Variants in KLHL11 observed in about 807,000 individuals in gnomAD.
KLHL11 encodes kelch-like protein 11.
A neutral mutation model predicts 56.1 loss-of-function variants in KLHL11; 26 were observed. The ratio of observed to expected loss-of-function variants is 0.46; its 90% CI spans 0.34 to 0.64. The LOEUF (loss-of-function observed/expected upper bound fraction) is 0.64. Ranked by LOEUF, KLHL11 falls within the 30% of genes least tolerant of loss-of-function variation. The pLI, the probability that KLHL11 is intolerant of heterozygous loss-of-function variation, is 0.01. For synonymous variants in KLHL11, 338 were observed against 345.8 expected, an observed-to-expected ratio of 0.98 and a Z score of 0.25; for missense variants, 627 against 919.4, an observed-to-expected ratio of 0.68 and a Z score of 4.11.
chr17:41,850,870 C>T lies in KLHL11; in HGVS notation c.*2870G>A, dbSNP rs984805911. 5.3e-5 allele frequency: 8 copies of T among 152,274 alleles called. No individual in the cohort carries two copies. The South Asian group carries it at 1.7e-3, about 32-fold the overall frequency. 9.4% of individuals were successfully genotyped at this position (152,274 alleles called of 1,614,324 possible). On this transcript the variant is annotated 3_prime_UTR_variant, in exon 2 of 2. Coordinates refer to ENST00000319121, the MANE Select transcript of KLHL11 (RefSeq NM_018143.3). Reference sequence around the variant, plus strand: ...ATGGATTTAAAGTTGATTTTCAACACATTTATTAAAAACTTTTCACCTAGG... The same window carrying T: ...ATGGATTTAAAGTTGATTTTCAACATATTTATTAAAAACTTTTCACCTAGG...
chr17:41,858,035 C>A (rs1472010053), intron 1 of KLHL11, among the ~76,000 whole-genome samples: 8 of 152,076 alleles, frequency 5.3e-5, no homozygotes, highest in African/African-American at 1.9e-4. Context: ...CCAGGCTGGT[C>A]TCAAACTCCT....
chr17:41,858,106 C>T (rs2048377605), intron 1 of KLHL11, among the ~76,000 whole-genome samples: 1 of 152,092 alleles, frequency 6.6e-6, no homozygotes, highest in Non-Finnish European at 1.5e-5. Flanking sequence ...GCGTGAGCCA[C>T]CACGCCCGGC....
At position 41,853,708 on chromosome 17, in the gene KLHL11, G is replaced by C; in HGVS notation, c.*32C>G. The C allele has an allele frequency of 6.4e-7, 1 of 1,574,390 alleles. No individual in the cohort carries two copies. The highest frequency in any genetic ancestry group is 8.6e-7 in the Non-Finnish European group (1 of 1,158,548). On this transcript the variant is annotated 3_prime_UTR_variant, in exon 2 of 2. Transcript: ENST00000319121. ...GTATCTTCAGCTTCACGAAACGGGT[G>C]TAACAGTTTTAATCGGCACGCTTGA...
intron 1 of KLHL11, among the ~76,000 whole-genome samples, chr17:41,862,685 C>G (rs868977161): frequency 6.2e-4 from 94 of 152,280 alleles, no homozygotes; most frequent in African/African-American, 2.2e-3. Context: ...CAGGCGTGAG[C>G]CACTTCGCCC....
chr17:41,864,961 C>A lies in KLHL11; in HGVS notation c.410G>T (p.Arg137Leu), dbSNP rs1299648807. 6.2e-7 allele frequency: 1 copy of A among 1,611,360 alleles called. No individual in the cohort carries two copies. ...GGAGCTCCACTTGCGCATCTCCACC[C>A]GTCCCGAGCGGGACTCGGAAAACTG... ...SGQFSESRSG[R>L]VEMRKWSSEP... Residue 137 changes from arginine to leucine, a missense_variant, in exon 1 of 2, where the codon CGG (arginine) becomes CTG (leucine). Around this residue, in one of 4 missense-constraint regions of KLHL11, gnomAD observed 150 missense variants for 215.7 expected, o/e 0.70. Coordinates refer to ENST00000319121, the MANE Select transcript of KLHL11 (RefSeq NM_018143.3).
rs370879079 is a variant in KLHL11, at chr17:41,854,109, A to T, written c.1758T>A (p.Asp586Glu). The change falls in exon 2 of 2, where the codon GAT becomes GAA. Residue 586 changes from aspartate (D) to glutamate (E), a missense_variant. Asp to Glu is a conservative substitution (Grantham distance 45). This residue lies in a region of KLHL11 where 250 missense variants were observed against 360.6 expected (regional missense o/e 0.69). Transcript: ENST00000319121. The surrounding 1 kb of genome is among the most constrained non-coding windows in gnomAD (Gnocchi z 4.9). The stretch of plus-strand genomic sequence containing the variant: ...CTGGAGGCAAGCTTTCAAGGATCTC[A>T]TCAGACACTTGGCTGGCAATTTTTC... ...AVRKIASQVSDEILESLPPEV... is the reference protein window; with the variant it reads ...AVRKIASQVSEEILESLPPEV... 2.5e-6 allele frequency: 4 copies of T among 1,614,092 alleles called. No individual in the cohort carries two copies. Among genetic ancestry groups the T allele is most frequent in the Non-Finnish European group, 3.4e-6 (4 of 1,179,934 alleles).
In KLHL11 at chr17:41,865,413, C is replaced by G. The variant is rs1246267256; in HGVS notation, c.-43G>C. 8.2e-7 allele frequency: 1 copy of G among 1,215,510 alleles called. No individual in the cohort carries two copies. Among genetic ancestry groups the G allele is most frequent in the Non-Finnish European group, 1.1e-6 (1 of 918,842 alleles). The allele number at this position is 1,215,510 out of a possible 1,614,324, so 75.3% of individuals were successfully genotyped here. A position where few individuals can be genotyped will look rare whatever the true frequency, so the allele number is the denominator to read the frequency against. On this transcript the variant is annotated 5_prime_UTR_variant, in exon 1 of 2. Coordinates refer to ENST00000319121, the MANE Select transcript of KLHL11 (RefSeq NM_018143.3). Reference sequence around the variant, plus strand: ...CGGCCTCCACAGCCTCGGAACGATGCGGCTGTTGGTACGACACAGAGGGAT... The same window carrying G: ...CGGCCTCCACAGCCTCGGAACGATGGGGCTGTTGGTACGACACAGAGGGAT...
intron 1 of KLHL11, among the ~76,000 whole-genome samples, chr17:41,859,259 G>A (rs2048387680): frequency 6.6e-6 from 1 of 152,066 alleles, no homozygotes; most frequent in Non-Finnish European, 1.5e-5. Flanking sequence ...AAAAAATTGT[G>A]TAGGGTTGGG....
Position 41,854,562 on chromosome 17 carries a change from A to G in KLHL11, c.1305T>C (p.His435=), listed in dbSNP as rs2048353525. ...GCTTTCTTGTCATCAGACTACAAAC[A>G]TGTTCCCATGTATTCAAATTTGGGT... ...RYNPNLNTWE[H]VCSLMTRKHS... Residue 435 remains histidine (H), a synonymous_variant, in exon 2 of 2, where the codon CAT becomes CAC. Coordinates refer to ENST00000319121, the MANE Select transcript of KLHL11 (RefSeq NM_018143.3). The surrounding 1 kb of genome is among the most constrained non-coding windows in gnomAD (Gnocchi z 4.9). 6.2e-7 allele frequency: 1 copy of G among 1,614,188 alleles called. No homozygotes were observed. The highest frequency in any genetic ancestry group is 8.5e-7 in the Non-Finnish European group (1 of 1,180,044).
intron 1 of KLHL11, among the ~76,000 whole-genome samples, chr17:41,856,505 T>C (rs2048367442): frequency 6.6e-6 from 1 of 152,130 alleles, no homozygotes; most frequent in East Asian, 1.9e-4. Flanking sequence ...AATCTCACTT[T>C]ACACACAAAA....
chr17:41,863,540 G>A lies in KLHL11; in HGVS notation c.545+1286C>T, dbSNP rs571173809. 8.1e-4 allele frequency among the ~76,000 whole-genome samples: 124 copies of A among 152,252 alleles called. 4 individuals carry two copies. In the South Asian group the frequency reaches 0.025, roughly 31 times the overall value. On this transcript the variant is annotated intron_variant, in intron 1 of 1. Transcript: ENST00000319121. ...ACAGCACTATTCATCAAATCAGACT[G>A]CATCATTCCTCTGCCCCAAACCTTC...
chr17:41,864,300 T>G (rs1245429475), intron 1 of KLHL11, among the ~76,000 whole-genome samples: 2 of 152,234 alleles, frequency 1.3e-5, no homozygotes, highest in African/African-American at 4.8e-5. Context: ...TCCAAACTCC[T>G]TATTCCAACG....
intron 1 of KLHL11, among the ~76,000 whole-genome samples, chr17:41,864,454 GTTATTTTTTGACA>G (rs1156400977): frequency 6.6e-6 from 1 of 152,232 alleles, no homozygotes; most frequent in Non-Finnish European, 1.5e-5. Context: ...TGCACGGTCA[GTTATTTTTTGACA>G]TTCAGAGGTC....
At chr17:41,863,789 G>A (rs2048419928) in intron 1 of KLHL11, among the ~76,000 whole-genome samples, 1 of 152,006 alleles carries the variant, frequency 6.6e-6, no homozygotes, top group Non-Finnish European at 1.5e-5. Flanking sequence ...TACCTCCTTC[G>A]GTTCTTAGCA....
chr17:41,860,152 A>T (rs2048393693), intron 1 of KLHL11, among the ~76,000 whole-genome samples: 1 of 152,150 alleles, frequency 6.6e-6, no homozygotes, highest in Admixed American at 6.6e-5. Flanking sequence ...GCTCCCAGAC[A>T]TGTCTGGGTG....
rs2048438322 is a variant in KLHL11 at position 41,865,411 on chromosome 17, T to TGCGGCTGTTGGTACGAC, written c.-42_-41insGTCGTACCAACAGCCGC. The TGCGGCTGTTGGTACGAC allele has an allele frequency of 8.1e-7, 1 of 1,228,518 alleles. No individual in the cohort carries two copies. 76.1% of individuals were successfully genotyped at this position (1,228,518 alleles called of 1,614,324 possible). A position where few individuals can be genotyped will look rare whatever the true frequency, so the allele number is the denominator to read the frequency against. ...CCCGGCCTCCACAGCCTCGGAACGATGCGGCTGTTGGTACGACACAGAGGG... is the reference window on the plus strand; with the variant it reads ...CCCGGCCTCCACAGCCTCGGAACGATGCGGCTGTTGGTACGACGCGGCTGTTGGTACGACACAGAGGG... On this transcript the variant is annotated 5_prime_UTR_variant, in exon 1 of 2. Transcript: ENST00000319121.
At chr17:41,855,481 C>T (rs561153307) in intron 1 of KLHL11, among the ~76,000 whole-genome samples, 160 bp from the exon 2 acceptor site, 143 of 152,242 alleles carry the variant, frequency 9.4e-4, no homozygotes, top group African/African-American at 2.9e-3. Context: ...TGGGTTCCAG[C>T]GATTCTCCTG....
chr17:41,855,502 C>T (rs1356347646), intron 1 of KLHL11, among the ~76,000 whole-genome samples, 181 bp from the exon 2 acceptor site: 3 of 152,098 alleles, frequency 2.0e-5, no homozygotes, highest in African/African-American at 7.2e-5. Context: ...CCTCAGCTTC[C>T]TGAGTAGTTG....
At chr17:41,864,730 C>A in intron 1 of KLHL11, 96 bp downstream of exon 1, 1 of 1,262,440 alleles carries the variant, frequency 7.9e-7, no homozygotes, top group Non-Finnish European at 1.0e-6. Context: ...TCAGGACTCG[C>A]GAGCTGCCGT....
Sources: gnomAD v4.1 joint callset for allele counts (sites outside exome capture counted in the v4.1 genomes callset) on GRCh38, gnomAD v4.1.1 for gene constraint, gnomAD v4.1.1 regional missense constraint, Gnocchi (gnomAD v3.1) non-coding constraint, MANE v1.5 for transcripts, NCBI Gene and HGNC (gene_info 2026-07-23, HGNC 2026-07-21) for gene names.